The following SRGAP1 variants were observed in gnomAD, a reference collection of about 807,000 sequenced individuals.
SRGAP1 encodes SLIT-ROBO Rho GTPase activating protein 1, also known as SLIT-ROBO Rho GTPase-activating protein 1.
Under a neutral mutation model 121.9 loss-of-function variants are expected in SRGAP1, and 43 were observed. The ratio of observed to expected loss-of-function variants is 0.35; its 90% CI spans 0.28 to 0.46. The LOEUF is 0.46. SRGAP1 is among the 20% of genes least tolerant of loss of function. SRGAP1 has a pLI of 1.00. For synonymous variants in SRGAP1, 447 were observed against 485.4 expected (o/e 0.92, Z 1.04); for missense variants, 1,102 against 1,350.9 (o/e 0.82, Z 2.89).
chr12:64,104,939 C>T (rs1460388424), intron 15 of SRGAP1, among the ~76,000 whole-genome samples: 2 of 151,752 alleles, frequency 1.3e-5, no homozygotes, highest in African/African-American at 2.4e-5. Context: ...ACCATGTTAA[C>T]GATTTTTAAG....
chr12:63,930,633 G>A (rs761245878), intron 1 of SRGAP1, among the ~76,000 whole-genome samples: 2 of 152,074 alleles, frequency 1.3e-5, no homozygotes, highest in Admixed American at 6.5e-5. Flanking sequence ...TATAGAAATA[G>A]GTTACATCAA....
At chr12:64,063,754 A>G (rs917428756) in intron 7 of SRGAP1, among the ~76,000 whole-genome samples, 19 of 152,114 alleles carry the variant, frequency 1.2e-4, no homozygotes, top group Admixed American at 1.2e-3. Flanking sequence ...GGAGCATGCT[A>G]TATAGCACTT....
At chr12:64,026,486 G>C (rs539044786) in intron 4 of SRGAP1, among the ~76,000 whole-genome samples, 71 of 152,174 alleles carry the variant, frequency 4.7e-4, no homozygotes, top group Non-Finnish European at 7.9e-4. Context: ...TAACTCACTG[G>C]CATAGTTTTC....
intron 1 of SRGAP1, among the ~76,000 whole-genome samples, chr12:63,890,233 C>A (rs949164624): frequency 1.3e-5 from 2 of 152,106 alleles, no homozygotes; most frequent in South Asian, 2.1e-4. Flanking sequence ...AGCGTGAAAC[C>A]GTTTGTTTTT....
chr12:64,024,399 C>T (rs749464989), intron 4 of SRGAP1, among the ~76,000 whole-genome samples: 6 of 152,172 alleles, frequency 3.9e-5, no homozygotes, highest in Non-Finnish European at 7.4e-5. Context: ...CTACTGCGCT[C>T]CAGCCTGGAC....
intron 1 of SRGAP1, among the ~76,000 whole-genome samples, chr12:63,868,436 C>T (rs1388452987): frequency 3.3e-5 from 5 of 151,980 alleles, no homozygotes; most frequent in Non-Finnish European, 7.4e-5. Flanking sequence ...AGTGCAGTGG[C>T]ATAATCTCAG....
At chr12:64,114,390 A>G (rs2036484987) in intron 17 of SRGAP1, among the ~76,000 whole-genome samples, 1 of 128,826 alleles carries the variant, frequency 7.8e-6, no homozygotes, top group Non-Finnish European at 1.5e-5. Flanking sequence ...GCCAGGCTAG[A>G]GCGCCATGGC....
chr12:63,898,175 C>G (rs951446342), intron 1 of SRGAP1, among the ~76,000 whole-genome samples: 2 of 152,172 alleles, frequency 1.3e-5, no homozygotes, highest in Admixed American at 6.5e-5. Flanking sequence ...GTGAGCATGA[C>G]GCAAACTTGC....
intron 1 of SRGAP1, among the ~76,000 whole-genome samples, chr12:63,916,853 C>T (rs757690904): frequency 5.3e-5 from 8 of 152,126 alleles, no homozygotes; most frequent in Non-Finnish European, 1.0e-4. Flanking sequence ...TCTGCTCCAC[C>T]CTCTATCCAT....
intron 4 of SRGAP1, among the ~76,000 whole-genome samples, chr12:64,026,593 G>A (rs1004360607): frequency 2.0e-5 from 3 of 152,118 alleles, no homozygotes; most frequent in South Asian, 2.1e-4. Context: ...AGAACCAGGC[G>A]CAGTGGCTCA....
At chr12:64,006,681 A>G (rs998411844) in intron 3 of SRGAP1, among the ~76,000 whole-genome samples, 2 of 152,170 alleles carry the variant, frequency 1.3e-5, no homozygotes, top group Non-Finnish European at 2.9e-5. Flanking sequence ...TTTTTATCCT[A>G]TCATGTGAGT....
intron 1 of SRGAP1, among the ~76,000 whole-genome samples, chr12:63,899,641 C>T (rs1900868601): frequency 6.6e-6 from 1 of 152,160 alleles, no homozygotes; most frequent in East Asian, 1.9e-4. Context: ...CAGCTGGCCA[C>T]CTTTGATTGG....
chr12:64,032,534 T>C (rs7316077), intron 4 of SRGAP1: 447,337 of 1,156,068 alleles, frequency 0.39, 91,592 homozygotes, highest in Non-Finnish European at 0.42. Flanking sequence ...CAGCACAGAG[T>C]GACCCAAGGC....
chr12:63,984,323 T>G (rs1214732882), intron 2 of SRGAP1, among the ~76,000 whole-genome samples, 181 bp downstream of exon 2: 1 of 152,216 alleles, frequency 6.6e-6, no homozygotes, highest in African/African-American at 2.4e-5. Flanking sequence ...TTTAAACTAG[T>G]GTAATCTGTT....
rs566968653 is a variant in SRGAP1 at position 64,146,334 on chromosome 12, T to C, written c.*3662T>C. 10 of 152,256 alleles carry C rather than the reference T, an allele frequency of 6.6e-5. No homozygotes were observed. The South Asian group carries it at 2.1e-3, about 32-fold the overall frequency. The allele number at this position is 152,256 out of a possible 1,614,324, so 9.4% of individuals were successfully genotyped here. Reference sequence around the variant, plus strand: ...TGGATATAGTGCTCCAAGAGTCAAATTGTATCCGTTAAGGGTTTTCTAACT... The same window carrying C: ...TGGATATAGTGCTCCAAGAGTCAAACTGTATCCGTTAAGGGTTTTCTAACT... On this transcript the variant is annotated 3_prime_UTR_variant, in exon 22 of 22. Transcript: ENST00000355086.
Position 63,900,769 on chromosome 12 carries a change from C to T in SRGAP1, c.67+55886C>T, listed in dbSNP as rs370703783. 2.0e-3 allele frequency among the ~76,000 whole-genome samples: 299 copies of T among 152,122 alleles called. 1 individual carries two copies. The highest frequency in any genetic ancestry group is 6.8e-3 in the African/African-American group (282 of 41,524). ...AGAGGCTTGCAGTGAGCTGAGATCACGCCACTGCATTCCAGCCTGGGTGAC... is the reference window on the plus strand; with the variant it reads ...AGAGGCTTGCAGTGAGCTGAGATCATGCCACTGCATTCCAGCCTGGGTGAC... On this transcript the variant is annotated intron_variant, in intron 1 of 21. Coordinates refer to ENST00000355086, the MANE Select transcript of SRGAP1 (RefSeq NM_020762.4).
chr12:64,161,887 G>A lies in SRGAP1; in HGVS notation c.*19215G>A, dbSNP rs1341760036. 6.6e-6 allele frequency: 1 copy of A among 152,214 alleles called. No individual in the cohort carries two copies. Among genetic ancestry groups the A allele is most frequent in the Non-Finnish European group, 1.5e-5 (1 of 68,034 alleles). 9.4% of individuals were successfully genotyped at this position (152,214 alleles called of 1,614,324 possible). ...CAATGGAATACTATTCTGTAATGAAGATGGGAAAGAACGGAGTACTGATAC... is the reference window on the plus strand; with the variant it reads ...CAATGGAATACTATTCTGTAATGAAAATGGGAAAGAACGGAGTACTGATAC... On this transcript the variant is annotated 3_prime_UTR_variant, in exon 22 of 22. Transcript: ENST00000355086.
At chr12:64,027,341 G>A (rs138314907) in intron 4 of SRGAP1, among the ~76,000 whole-genome samples, 1 of 152,136 alleles carries the variant, frequency 6.6e-6, no homozygotes, top group African/African-American at 2.4e-5. Flanking sequence ...ACATAACACA[G>A]ACTATTATGT....
chr12:63,969,521 C>T (rs925812890), intron 1 of SRGAP1, among the ~76,000 whole-genome samples: 1 of 152,172 alleles, frequency 6.6e-6, no homozygotes. Context: ...CGGCCAGGCA[C>T]AGTGGCTCAC....
Sources: allele counts gnomAD v4.1 joint callset (sites outside exome capture counted in the v4.1 genomes callset), GRCh38; gene constraint gnomAD v4.1.1; transcripts MANE v1.5; gene names NCBI Gene and HGNC (gene_info 2026-07-23, HGNC 2026-07-21).